AHNAK: variants seen among roughly 807,000 people sequenced by gnomAD.
AHNAK encodes the protein AHNAK nucleoprotein, also known as neuroblast differentiation-associated protein AHNAK.
Under a neutral mutation model 37.8 loss-of-function variants are expected in AHNAK, and 23 were observed. That is an observed-to-expected ratio of 0.61 (90% CI 0.44 to 0.86). AHNAK has a LOEUF of 0.86. Ranked by LOEUF, AHNAK falls within the 40% of genes least tolerant of loss-of-function variation. AHNAK has a pLI of 0.00. For synonymous variants in AHNAK, 2,481 were observed against 2,636.3 expected, an observed-to-expected ratio of 0.94 and a Z score of 1.80; for missense variants, 7,411 against 7,319.4, an observed-to-expected ratio of 1.01 and a Z score of -0.46.
chr11:62,476,083 C>A (rs1939139366), intron 5 of AHNAK, among the ~76,000 whole-genome samples: 1 of 152,168 alleles, frequency 6.6e-6, no homozygotes, highest in Non-Finnish European at 1.5e-5. Flanking sequence ...CTGGCAACAT[C>A]AATGCATTCG....
chr11:62,449,450 G>A (rs1402308020), intron 5 of AHNAK, among the ~76,000 whole-genome samples: 1 of 152,204 alleles, frequency 6.6e-6, no homozygotes, highest in Admixed American at 6.5e-5. Flanking sequence ...GCAACACCAG[G>A]CGGGATCAGG....
At position 62,520,852 on chromosome 11, in the gene AHNAK, C is replaced by G; in HGVS notation, c.13565G>C (p.Ser4522Thr). 1 of 1,614,156 alleles carries G rather than the reference C, an allele frequency of 6.2e-7. No homozygotes were observed. The highest frequency in any genetic ancestry group is 1.7e-5 in the Admixed American group (1 of 60,016). Residue 4522 changes from serine (S) to threonine (T), a missense_variant, in exon 5 of 5, where the codon AGT (serine) becomes ACT (threonine). Coordinates refer to ENST00000378024, the MANE Select transcript of AHNAK (RefSeq NM_001620.3). ...TCCTTTCAAATTCAAATCAATGTCA[C>G]TCATGGAGATTTGTGGGCTTTTGAA... ...VHFKSPQISM[S>T]DIDLNLKGPK... is the part of the protein sequence containing the mutation.
Position 62,524,554 on chromosome 11 carries a change from A to C in AHNAK, c.9863T>G (p.Val3288Gly), listed in dbSNP as rs771350799. 38 of 1,613,980 alleles carry C rather than the reference A, an allele frequency of 2.4e-5. No homozygotes were observed. Among genetic ancestry groups the C allele is most frequent in the Non-Finnish European group, 2.9e-5 (34 of 1,180,024 alleles). Residue 3288 changes from valine (V) to glycine (G), a missense_variant, in exon 5 of 5, where the codon GTA becomes GGA. Coordinates refer to ENST00000378024, the MANE Select transcript of AHNAK (RefSeq NM_001620.3). ...GPKLKMPDMH[V>G]NMPKISMPEI... is the part of the protein sequence containing the mutation. Reference sequence around the variant, plus strand: ...TGGCATGGAGATCTTGGGCATGTTTACATGCATGTCAGGCATCTTCAGTTT... The same window carrying C: ...TGGCATGGAGATCTTGGGCATGTTTCCATGCATGTCAGGCATCTTCAGTTT...
rs2134233051 is a variant in AHNAK at position 62,529,592 on chromosome 11, T to G, written c.4825A>C (p.Lys1609Gln). Reference protein sequence around the residue: ...VSLPKVEGDLKGPEIDVKAPK... With the variant: ...VSLPKVEGDLQGPEIDVKAPK... ...GCTTTCACATCAATTTCAGGACCCT[T>G]CAAGTCTCCTTCCACTTTGGGAAGG... The change falls in exon 5 of 5, where the codon AAG becomes CAG. Residue 1609 changes from lysine to glutamine, a missense_variant. Physicochemically the swap from Lys to Gln is moderately conservative, Grantham distance 53. Transcript: ENST00000378024. 1 of 1,614,156 alleles carries G rather than the reference T, an allele frequency of 6.2e-7. No homozygotes were observed. The highest frequency in any genetic ancestry group is 8.5e-7 in the Non-Finnish European group (1 of 1,180,034).
At position 62,530,799 on chromosome 11, in the gene AHNAK, G is replaced by A. The variant is rs1017687834; in HGVS notation, c.3618C>T (p.Gly1206=). Residue 1206 remains glycine, a synonymous_variant, in exon 5 of 5, where the codon GGC becomes GGT. Coordinates refer to ENST00000378024, the MANE Select transcript of AHNAK (RefSeq NM_001620.3). ...SMPDVDLHLK[G]PKVKGDVDVS... ...CATCCACATCCCCTTTGACTTTGGG[G>A]CCTTTCAAGTGTAAGTCCACATCAG... is the stretch of plus-strand genomic sequence containing the variant. The A allele has an allele frequency of 1.2e-6, 2 of 1,610,290 alleles. No individual in the cohort carries two copies. Among genetic ancestry groups the A allele is most frequent in the Non-Finnish European group, 1.7e-6 (2 of 1,178,834 alleles).
At chr11:62,471,097 A>G (rs1264704988) in intron 5 of AHNAK, among the ~76,000 whole-genome samples, 5 of 152,222 alleles carry the variant, frequency 3.3e-5, no homozygotes, top group Admixed American at 6.5e-5. Context: ...AGCTGCAGGG[A>G]TGATGGCCCA....
At chr11:62,479,978 G>A (rs1203017197) in intron 5 of AHNAK, among the ~76,000 whole-genome samples, 1 of 152,162 alleles carries the variant, frequency 6.6e-6, no homozygotes, top group African/African-American at 2.4e-5. Context: ...TGAGGTCCCA[G>A]TGCTCCTTCT....
At chr11:62,439,910 C>T (rs889037619) in intron 5 of AHNAK, among the ~76,000 whole-genome samples, 3 of 152,036 alleles carry the variant, frequency 2.0e-5, no homozygotes, top group African/African-American at 4.8e-5. Flanking sequence ...TCCAGTGATC[C>T]GCCCGCCTCC....
chr11:62,494,684 T>C (rs767876108), intron 4 of AHNAK, among the ~76,000 whole-genome samples: 53 of 151,972 alleles, frequency 3.5e-4, no homozygotes, highest in Non-Finnish European at 6.9e-4. Flanking sequence ...CTGGGCAACA[T>C]GGCGAAACCT....
chr11:62,504,145 A>G (rs1939764044), intron 4 of AHNAK, among the ~76,000 whole-genome samples: 1 of 152,102 alleles, frequency 6.6e-6, no homozygotes, highest in Non-Finnish European at 1.5e-5. Context: ...TAGGCAACAG[A>G]ACAAGACTCT....
Position 62,517,349 on chromosome 11 carries a change from T to C in AHNAK, c.17068A>G (p.Ser5690Gly). 1 of 1,614,236 alleles carries C rather than the reference T, an allele frequency of 6.2e-7. No homozygotes were observed. Among genetic ancestry groups the C allele is most frequent in the South Asian group, 1.1e-5 (1 of 91,086 alleles). ...CCGTCTCCAGCACCAGCTTGGATGC[T>C]GGCCTCTGCTTTAGGGAAGTGAACA... ...VDVHFPKAEA[S>G]IQAGAGDGEW... Residue 5690 changes from serine to glycine, a missense_variant, in exon 5 of 5, where the codon AGC becomes GGC. By Grantham distance (56) the Ser-to-Gly change is moderately conservative. Coordinates refer to ENST00000378024, the MANE Select transcript of AHNAK (RefSeq NM_001620.3).
chr11:62,468,981 C>T (rs1028524861), intron 5 of AHNAK, among the ~76,000 whole-genome samples: 2 of 152,200 alleles, frequency 1.3e-5, no homozygotes, highest in Non-Finnish European at 2.9e-5. Flanking sequence ...CTGCAAATAA[C>T]AGCCAATTGG....
At chr11:62,512,799 T>C (rs572279885), downstream of AHNAK, among the ~76,000 whole-genome samples, 89 of 141,376 alleles carry the variant, frequency 6.3e-4, no homozygotes, top group Non-Finnish European at 1.0e-3. This position sits in a 1 kb window ranked among gnomAD's most constrained non-coding sequence, Gnocchi z 4.0. Context: ...GAGGTTGCAA[T>C]GAGCTGAGAA....
At chr11:62,497,964 CAA>C (rs796625521) in intron 4 of AHNAK, among the ~76,000 whole-genome samples, 3 of 118,978 alleles carry the variant, frequency 2.5e-5, no homozygotes, top group African/African-American at 3.1e-5. Context: ...GACTTCATCT[CAA>C]AAAAAAAAAA....
At position 62,527,425 on chromosome 11, in the gene AHNAK, T is replaced by A. The variant is rs1403508867; in HGVS notation, c.6992A>T (p.Asp2331Val). Residue 2331 changes from aspartate (D) to valine (V), a missense_variant, in exon 5 of 5, where the codon GAT becomes GTT. Asp to Val is a radical substitution (Grantham distance 152). Transcript: ENST00000378024. ...LKGPKIKGDVDVSAPKLEGEL... is the reference protein window; with the variant it reads ...LKGPKIKGDVVVSAPKLEGEL... ...TCCCTCCAGCTTTGGGGCAGAAACA[T>A]CAACATCTCCTTTGATTTTGGGTCC... 3 of 1,614,056 alleles carry A rather than the reference T, an allele frequency of 1.9e-6. No homozygotes were observed. In the Admixed American group the frequency reaches 5.0e-5, roughly 27 times the overall value.
intron 5 of AHNAK, among the ~76,000 whole-genome samples, chr11:62,435,560 CCGTCA>C (rs1938149877): frequency 6.6e-6 from 1 of 152,118 alleles, no homozygotes; most frequent in Non-Finnish European, 1.5e-5. Context: ...CTACAGGCGC[CCGTCA>C]CCTCGCCCGG....
Position 62,524,184 on chromosome 11 carries a change from T to C in AHNAK, c.10233A>G (p.Ser3411=), listed in dbSNP as rs775284750. Residue 3411 remains serine, a synonymous_variant, in exon 5 of 5, where the codon TCA becomes TCG. Transcript: ENST00000378024. ...SKFKMPFLSI[S]SPKVSMPDVE... ...CGTCAGGCATAGAAACTTTGGGAGA[T>C]GAAATACTCAGGAAAGGCATTTTAA... 1 of 1,613,944 alleles carries C rather than the reference T, an allele frequency of 6.2e-7. No homozygotes were observed. Among genetic ancestry groups the C allele is most frequent in the Non-Finnish European group, 8.5e-7 (1 of 1,179,974 alleles).
chr11:62,526,183 C>A lies in AHNAK; in HGVS notation c.8234G>T (p.Gly2745Val), dbSNP rs1422719585. The A allele has an allele frequency of 6.2e-7, 1 of 1,613,648 alleles. No individual in the cohort carries two copies. Among genetic ancestry groups the A allele is most frequent in the East Asian group, 2.2e-5 (1 of 44,836 alleles). The change falls in exon 5 of 5, where the codon GGC (glycine) becomes GTC (valine). Residue 2745 changes from glycine (G) to valine (V), a missense_variant. Physicochemically the swap from Gly to Val is moderately radical, Grantham distance 109. Coordinates refer to ENST00000378024, the MANE Select transcript of AHNAK (RefSeq NM_001620.3). ...AGGTGCGTCAATGTCCACTTTTGGG[C>A]CCTTGATGTCAACTTCTGGGCCCTT... ...DLKGPEVDIK[G>V]PKVDIDAPDV...
intron 4 of AHNAK, among the ~76,000 whole-genome samples, chr11:62,508,458 A>AAGCACTCT (rs1337090655): frequency 6.6e-6 from 1 of 152,172 alleles, no homozygotes; most frequent in African/African-American, 2.4e-5. Flanking sequence ...TCAAGAGATA[A>AAGCACTCT]AGCACTCTGT....
Sources: allele counts gnomAD v4.1 joint callset (sites outside exome capture counted in the v4.1 genomes callset), GRCh38; gene constraint gnomAD v4.1.1; non-coding constraint Gnocchi (gnomAD v3.1); transcripts MANE v1.5; gene names NCBI Gene and HGNC (gene_info 2026-07-23, HGNC 2026-07-21).